AGTPBP1: variants seen among roughly 807,000 people sequenced by gnomAD.
AGTPBP1 encodes ATP/GTP binding carboxypeptidase 1.
AGTPBP1 carries 70 observed loss-of-function variants against 143.9 expected under a neutral mutation model. That is an observed-to-expected ratio of 0.49 (90% CI 0.40 to 0.59). The LOEUF (loss-of-function observed/expected upper bound fraction) is 0.59. AGTPBP1 is among the 20% of genes least tolerant of loss of function. The pLI is 0.00. For synonymous variants in AGTPBP1, 463 were observed against 500.2 expected (o/e 0.93, Z 0.99); for missense variants, 1,229 against 1,464.5 (o/e 0.84, Z 2.62).
chr9:85,598,023 CATCT>C (rs1316759809), intron 17 of AGTPBP1, among the ~76,000 whole-genome samples: 4 of 152,100 alleles, frequency 2.6e-5, no homozygotes, highest in Non-Finnish European at 5.9e-5. Flanking sequence ...ATAAAAGCAC[CATCT>C]ATTTTTTAAA....
At chr9:85,712,301 C>G (rs1837431421) in intron 2 of AGTPBP1, among the ~76,000 whole-genome samples, 1 of 152,016 alleles carries the variant, frequency 6.6e-6, no homozygotes, top group East Asian at 1.9e-4. Flanking sequence ...GCTCACAGGC[C>G]ACACAAAAAC....
intron 8 of AGTPBP1, among the ~76,000 whole-genome samples, chr9:85,667,611 T>C: frequency 6.6e-6 from 1 of 152,016 alleles, no homozygotes; most frequent in East Asian, 1.9e-4. Context: ...GCTCCACCTA[T>C]GAAATATTTT....
chr9:85,741,279 G>A, intron 1 of AGTPBP1: 3 of 985,442 alleles, frequency 3.0e-6, no homozygotes, highest in Non-Finnish European at 2.4e-6. Context: ...CCACCTTGCT[G>A]GCGCTCAGTC....
chr9:85,802,700 C>A, the AGTPBP1 span, among the ~76,000 whole-genome samples: 2 of 152,322 alleles, frequency 1.3e-5, no homozygotes, highest in South Asian at 2.1e-4. Flanking sequence ...ATCTTGCTCA[C>A]ATAATTGGGT....
intron 13 of AGTPBP1, 36 bp from the exon 14 acceptor site, chr9:85,633,410 TA>T (rs760835355): frequency 1.4e-6 from 2 of 1,429,290 alleles, no homozygotes. Flanking sequence ...CTTTTAACTG[TA>T]AATATTAAAA....
chr9:85,630,386 A>T (rs1480285220), intron 14 of AGTPBP1, among the ~76,000 whole-genome samples: 1 of 151,594 alleles, frequency 6.6e-6, no homozygotes, highest in Non-Finnish European at 1.5e-5. Flanking sequence ...TTACTTACTT[A>T]CTTACTTATT....
At chr9:85,573,398 A>G (rs1267581872) in intron 25 of AGTPBP1, among the ~76,000 whole-genome samples, 1 of 152,068 alleles carries the variant, frequency 6.6e-6, no homozygotes, top group Non-Finnish European at 1.5e-5. Context: ...AGTCTCGTTC[A>G]CTCAGTGCTC....
At chr9:85,668,025 T>C (rs895488019) in intron 8 of AGTPBP1, among the ~76,000 whole-genome samples, 2 of 151,764 alleles carry the variant, frequency 1.3e-5, no homozygotes, top group Non-Finnish European at 2.9e-5. Flanking sequence ...AGATCTGTAA[T>C]TGACAGTGAT....
the AGTPBP1 span, among the ~76,000 whole-genome samples, chr9:85,775,175 G>A: frequency 3.0e-4 from 46 of 152,068 alleles, no homozygotes; most frequent in Non-Finnish European, 4.9e-4. Flanking sequence ...GTGGTGGCAC[G>A]CACCTGTAGT....
At chr9:85,796,338 T>C in the AGTPBP1 span, among the ~76,000 whole-genome samples, 48 of 152,324 alleles carry the variant, frequency 3.2e-4, no homozygotes, top group African/African-American at 1.0e-3. Context: ...GGGACATCAG[T>C]GGTTTAATAT....
chr9:85,780,945 T>G, the AGTPBP1 span, among the ~76,000 whole-genome samples: 7 of 152,122 alleles, frequency 4.6e-5, no homozygotes, highest in African/African-American at 1.7e-4. Flanking sequence ...TGAAACCTCG[T>G]CTCTACTAAA....
intron 1 of AGTPBP1, among the ~76,000 whole-genome samples, chr9:85,731,416 G>GT (rs537233806): frequency 1.5e-4 from 23 of 148,684 alleles, no homozygotes; most frequent in African/African-American, 2.2e-4. Context: ...GTTTGGCAGG[G>GT]TTTTTTTTTT....
chr9:85,664,977 A>G (rs564539999), intron 8 of AGTPBP1, among the ~76,000 whole-genome samples: 1 of 152,282 alleles, frequency 6.6e-6, no homozygotes, highest in African/African-American at 2.4e-5. Context: ...GACTATGCAA[A>G]CTATGCAAAG....
the AGTPBP1 span, among the ~76,000 whole-genome samples, chr9:85,804,701 AC>A: frequency 6.6e-6 from 1 of 152,192 alleles, no homozygotes; most frequent in Non-Finnish European, 1.5e-5. Context: ...AAGTCACTTA[AC>A]TTCGCCTGTA....
chr9:85,592,247 T>G (rs1214286245), intron 19 of AGTPBP1, among the ~76,000 whole-genome samples: 2 of 152,024 alleles, frequency 1.3e-5, no homozygotes, highest in Non-Finnish European at 2.9e-5. Context: ...GTAAAAATCA[T>G]GTCAAAGTTT....
intron 14 of AGTPBP1, among the ~76,000 whole-genome samples, chr9:85,625,698 A>G (rs1831230139): frequency 6.6e-6 from 1 of 151,910 alleles, no homozygotes; most frequent in Non-Finnish European, 1.5e-5. Flanking sequence ...ATCCTGGCTA[A>G]CACAGTGAAA....
At chr9:85,712,460 A>T (rs1837441189) in intron 2 of AGTPBP1, 42 bp downstream of exon 2, 1 of 1,100,804 alleles carries the variant, frequency 9.1e-7, no homozygotes, top group Non-Finnish European at 1.3e-6. Flanking sequence ...GTCATACATT[A>T]TTTCTGTAAC....
At position 85,550,195 on chromosome 9, in the gene AGTPBP1, G is replaced by C. The variant is rs528627621; in HGVS notation, c.3504-2909C>G. ...AGAGTTTGTGAGTGTGTGTGTGTGTGAGAGAGAGAGAGAGAGAGAGAGAAA... is the reference window on the plus strand; with the variant it reads ...AGAGTTTGTGAGTGTGTGTGTGTGTCAGAGAGAGAGAGAGAGAGAGAGAAA... On this transcript the variant is annotated intron_variant, in intron 25 of 25. Transcript: ENST00000357081. 3.7e-3 allele frequency among the ~76,000 whole-genome samples: 520 copies of C among 141,912 alleles called. 3 individuals are homozygous for C. The highest frequency in any genetic ancestry group is 0.013 in the African/African-American group (477 of 36,570). 93.1% of individuals were successfully genotyped at this position (141,912 alleles called of 152,430 possible). A position where few individuals can be genotyped will look rare whatever the true frequency, so the allele number is the denominator to read the frequency against.
intron 25 of AGTPBP1, among the ~76,000 whole-genome samples, chr9:85,556,805 A>T (rs997356972): frequency 2.0e-5 from 3 of 152,186 alleles, no homozygotes; most frequent in African/African-American, 7.2e-5. Context: ...AATAATACAT[A>T]AAGCAAAAAT....
Sources: allele counts gnomAD v4.1 joint callset (sites outside exome capture counted in the v4.1 genomes callset), GRCh38; gene constraint gnomAD v4.1.1; transcripts MANE v1.5; gene names NCBI Gene and HGNC (gene_info 2026-07-23, HGNC 2026-07-21).